Variants in ROGDI observed in about 807,000 individuals in gnomAD.
ROGDI encodes the protein rogdi atypical leucine zipper.
ROGDI carries 46 observed loss-of-function variants against 43.1 expected under a neutral mutation model. The ratio of observed to expected loss-of-function variants is 1.07; its 90% CI spans 0.84 to 1.37. The LOEUF (loss-of-function observed/expected upper bound fraction) is 1.37. Ranked by LOEUF, ROGDI falls within the 40% of genes most tolerant of loss-of-function variation. The pLI, the probability that ROGDI is intolerant of heterozygous loss-of-function variation, is 0.00. For missense variants in ROGDI, 518 were observed against 383.9 expected (o/e 1.35, Z -2.92); for synonymous variants, 243 against 162.0 (o/e 1.50, Z -3.80).
Position 4,798,623 on chromosome 16 carries a change from C to G in ROGDI, c.477G>C (p.Arg159=), listed in dbSNP as rs750755010. 6.4e-7 allele frequency: 1 copy of G among 1,574,058 alleles called. No individual in the cohort carries two copies. The highest frequency in any genetic ancestry group is 8.6e-7 in the Non-Finnish European group (1 of 1,164,344). ...GGGTGAGGGTGGCGGGGGTGGTGAG[C>G]CGGTTTCGGGCTCTGGTCAGCTGCA... The part of the protein sequence containing the change: ...VMLQLTRARN[R]LTTPATLTLP... The change falls in exon 7 of 11, where the codon CGG becomes CGC. Residue 159 remains arginine, a synonymous_variant. Transcript: ENST00000322048.
In ROGDI at chr16:4,799,872, C is replaced by T. The variant is rs567648959; in HGVS notation, c.337-91G>A. 84 of 849,120 alleles carry T rather than the reference C, an allele frequency of 9.9e-5. No homozygotes were observed. In the African/African-American group the frequency reaches 1.3e-3, roughly 13 times the overall value. The allele number at this position is 849,120 out of a possible 1,614,324, so 52.6% of individuals were successfully genotyped here. A position where few individuals can be genotyped will look rare whatever the true frequency, so the allele number is the denominator to read the frequency against. ...GCTGCCTGCCTGCCCCACGTCATTC[C>T]ACTCTCCACACTGTCATCCCTGTGC... On this transcript the variant is annotated intron_variant, in intron 5 of 10. Transcript: ENST00000322048.
At chr16:4,800,851 C>T (rs941570499) in intron 4 of ROGDI, 2 of 553,952 alleles carry the variant, frequency 3.6e-6, no homozygotes, top group African/African-American at 3.8e-5. Flanking sequence ...CTCTGTGAGG[C>T]TCTGTGCGAA....
Position 4,801,490 on chromosome 16 carries a change from A to G in ROGDI, c.200+13T>C. Reference sequence around the variant, plus strand: ...GTACCCATTTCCCCGGTTTCCGCCTAGCCCAGGCTCACCCACAGCTGCCTA... The same window carrying G: ...GTACCCATTTCCCCGGTTTCCGCCTGGCCCAGGCTCACCCACAGCTGCCTA... On this transcript the variant is annotated intron_variant, in intron 3 of 10. Coordinates refer to ENST00000322048, the MANE Select transcript of ROGDI (RefSeq NM_024589.3). 6.3e-7 allele frequency: 1 copy of G among 1,598,584 alleles called. No homozygotes were observed. Among genetic ancestry groups the G allele is most frequent in the Non-Finnish European group, 8.5e-7 (1 of 1,172,346 alleles).
intron 2 of ROGDI, chr16:4,802,134 C>T: frequency 1.5e-6 from 1 of 652,710 alleles, no homozygotes; most frequent in Middle Eastern, 2.4e-4. Context: ...CCCAAGGCGG[C>T]CTTCCCCGAC....
At position 4,797,509 on chromosome 16, in the gene ROGDI, G is replaced by T; in HGVS notation, c.823-8C>A. ...GCTGGAGAACACGGAGATCTGCAAGGGGAGAGGGTGCTGTAGGTTGCTGAA... is the reference window on the plus strand; with the variant it reads ...GCTGGAGAACACGGAGATCTGCAAGTGGAGAGGGTGCTGTAGGTTGCTGAA... On this transcript the variant is annotated splice_region_variant and splice_polypyrimidine_tract_variant and intron_variant, in intron 10 of 10. Transcript: ENST00000322048. The T allele has an allele frequency of 6.5e-7, 1 of 1,549,630 alleles. No individual in the cohort carries two copies. The highest frequency in any genetic ancestry group is 8.7e-7 in the Non-Finnish European group (1 of 1,145,020).
chr16:4,802,441 G>T lies in ROGDI; in HGVS notation c.58C>A (p.Arg20Ser). Residue 20 changes from arginine to serine, a missense_variant, in exon 2 of 11, where the codon CGC (arginine) becomes AGC (serine). Coordinates refer to ENST00000322048, the MANE Select transcript of ROGDI (RefSeq NM_024589.3). ...TGCACCTCGTCGTGCAGCAGCCAGC[G>T]GAACTCCTCCTCCTGCGGGACAGAC... Reference protein sequence around the residue: ...AERAVLEEEFRWLLHDEVHAV... With the variant: ...AERAVLEEEFSWLLHDEVHAV... 1 of 1,449,378 alleles carries T rather than the reference G, an allele frequency of 6.9e-7. No homozygotes were observed. The highest frequency in any genetic ancestry group is 2.7e-5 in the Admixed American group (1 of 37,376). The allele number at this position is 1,449,378 out of a possible 1,614,324, so 89.8% of individuals were successfully genotyped here. A position where few individuals can be genotyped will look rare whatever the true frequency, so the allele number is the denominator to read the frequency against.
Position 4,797,937 on chromosome 16 carries a change from C to A in ROGDI, c.695+1G>T. On this transcript the variant is annotated splice_donor_variant, in intron 9 of 10. Coordinates refer to ENST00000322048, the MANE Select transcript of ROGDI (RefSeq NM_024589.3). LOFTEE classifies it high-confidence loss of function. ...TGGACCCCCCGCCCCTGCCTACTTA[C>A]AACATGGCCCCAGGGCTATGCAGCA... 6.3e-7 allele frequency: 1 copy of A among 1,599,554 alleles called. No homozygotes were observed. The highest frequency in any genetic ancestry group is 8.5e-7 in the Non-Finnish European group (1 of 1,170,620).
intron 3 of ROGDI, 46 bp downstream of exon 3, chr16:4,801,457 C>A: frequency 6.3e-7 from 1 of 1,577,784 alleles, no homozygotes; most frequent in Admixed American, 1.8e-5. Flanking sequence ...TGCCTCCTAC[C>A]CCCCAAGGTA....
At chr16:4,801,609 G>C in intron 2 of ROGDI, 24 bp from the exon 3 acceptor site, 6 of 1,571,764 alleles carry the variant, frequency 3.8e-6, no homozygotes, top group African/African-American at 1.4e-5. Context: ...GGAAGGAGGG[G>C]AGCTGGTAGC....
rs904421384 is a variant in ROGDI, at chr16:4,797,075, A to G, written c.*385T>C. The G allele has an allele frequency of 1.7e-5, 4 of 233,126 alleles. No individual in the cohort carries two copies. The highest frequency in any genetic ancestry group is 1.5e-3 in the Middle Eastern group (1 of 668). 14.4% of individuals were successfully genotyped at this position (233,126 alleles called of 1,614,324 possible). ...GGTGGCTCTGTCTGTGGCGTTCCTC[A>G]CCATCCCCGGGACTCATAGCTCAGT... is the stretch of plus-strand genomic sequence containing the variant. On this transcript the variant is annotated 3_prime_UTR_variant, in exon 11 of 11. Coordinates refer to ENST00000322048, the MANE Select transcript of ROGDI (RefSeq NM_024589.3).
At position 4,798,188 on chromosome 16, in the gene ROGDI, C is replaced by T. The variant is rs3747610; in HGVS notation, c.532-4G>A. On this transcript the variant is annotated splice_region_variant and splice_polypyrimidine_tract_variant and intron_variant, in intron 7 of 10. Coordinates refer to ENST00000322048, the MANE Select transcript of ROGDI (RefSeq NM_024589.3). ...GCAGGGCAGGGGCGAACATCCGCTGCGGGAGGCAGGTGGGATGAGGCCCTC... is the reference window on the plus strand; with the variant it reads ...GCAGGGCAGGGGCGAACATCCGCTGTGGGAGGCAGGTGGGATGAGGCCCTC... The T allele has an allele frequency of 2.6e-4, 415 of 1,611,786 alleles. 2 individuals are homozygous for T. In the East Asian group the frequency reaches 8.2e-3, roughly 32 times the overall value.
At position 4,802,526 on chromosome 16, in the gene ROGDI, C is replaced by T; in HGVS notation, c.45+1G>A. On this transcript the variant is annotated splice_donor_variant, in intron 1 of 10. Transcript: ENST00000322048. LOFTEE classifies it high-confidence loss of function. ...CCCGCCCGCTGGCCCGCGCGCCTTA[C>T]CAGCACCGCCCGCTCCGCCGCCGTC... The T allele has an allele frequency of 1.6e-6, 2 of 1,254,292 alleles. No individual in the cohort carries two copies. The highest frequency in any genetic ancestry group is 2.0e-6 in the Non-Finnish European group (2 of 996,020). The allele number at this position is 1,254,292 out of a possible 1,614,324, so 77.7% of individuals were successfully genotyped here.
rs148274786 is a variant in ROGDI at position 4,797,812 on chromosome 16, T to A, written c.724A>T (p.Ser242Cys). The A allele has an allele frequency of 6.2e-7, 1 of 1,612,732 alleles. No homozygotes were observed. Among genetic ancestry groups the A allele is most frequent in the African/African-American group, 1.3e-5 (1 of 75,006 alleles). The change falls in exon 10 of 11, where the codon AGC (serine) becomes TGC (cysteine). Residue 242 changes from serine to cysteine, a missense_variant. Coordinates refer to ENST00000322048, the MANE Select transcript of ROGDI (RefSeq NM_024589.3). The stretch of plus-strand genomic sequence containing the variant: ...ACGCACTCCACTTTGTGCACGTGGC[T>A]CACCTCCAGGCGCTGAGAGCCCCAC... ...FEWGSQRLEV[S>C]HVHKVECVIP...
rs565807247 is a variant in ROGDI, at chr16:4,797,357, G to C, written c.*103C>G. ...TTAGGTGGGGTAGGGGGTGGGATAG[G>C]GAGATAAATAGCAGCCTGGCGTTGG... On this transcript the variant is annotated 3_prime_UTR_variant, in exon 11 of 11. Transcript: ENST00000322048. 1.8e-5 allele frequency: 18 copies of C among 1,016,230 alleles called. No individual in the cohort carries two copies. The highest frequency in any genetic ancestry group is 8.0e-5 in the African/African-American group (5 of 62,844). The allele number at this position is 1,016,230 out of a possible 1,614,324, so 63.0% of individuals were successfully genotyped here. A position where few individuals can be genotyped will look rare whatever the true frequency, so the allele number is the denominator to read the frequency against.
At position 4,798,093 on chromosome 16, in the gene ROGDI, G is replaced by A. The variant is rs745998638; in HGVS notation, c.623C>T (p.Ala208Val). 2 of 1,613,700 alleles carry A rather than the reference G, an allele frequency of 1.2e-6. No homozygotes were observed. Among genetic ancestry groups the A allele is most frequent in the Non-Finnish European group, 1.7e-6 (2 of 1,179,784 alleles). ...KLCLTVYQLH[A>V]LQPNSTKNFR... ...CACCTTGGTGGAGTTGGGCTGCAGGGCATGCAGCTGGTACACCGTGAGGCA... is the reference window on the plus strand; with the variant it reads ...CACCTTGGTGGAGTTGGGCTGCAGGACATGCAGCTGGTACACCGTGAGGCA... Residue 208 changes from alanine (A) to valine (V), a missense_variant, in exon 8 of 11, where the codon GCC (alanine) becomes GTC (valine). Transcript: ENST00000322048.
At chr16:4,799,622 C>A in intron 6 of ROGDI, 64 bp downstream of exon 6, 1 of 1,273,052 alleles carries the variant, frequency 7.9e-7, no homozygotes, top group Non-Finnish European at 1.1e-6. Flanking sequence ...GATTGGAACC[C>A]AGGTGTGATT....
intron 10 of ROGDI, 40 bp from the exon 11 acceptor site, chr16:4,797,541 T>G: frequency 1.9e-6 from 3 of 1,600,432 alleles, no homozygotes; most frequent in Non-Finnish European, 2.6e-6. Flanking sequence ...TGAAGGGGGA[T>G]GGGGTAGCCC....
chr16:4,801,305 C>A lies in ROGDI; in HGVS notation c.217G>T (p.Gly73Cys). The A allele has an allele frequency of 6.2e-7, 1 of 1,609,336 alleles. No individual in the cohort carries two copies. Among genetic ancestry groups the A allele is most frequent in the Non-Finnish European group, 8.5e-7 (1 of 1,176,760 alleles). The change falls in exon 4 of 11, where the codon GGT (glycine) becomes TGT (cysteine). Residue 73 changes from glycine to cysteine, a missense_variant. By Grantham distance (159) the Gly-to-Cys change is radical (BLOSUM62 -3). Transcript: ENST00000322048. ...GCATCCCCCTGCAGAGTCAGCACAC[C>A]CTTCACCTGGTCTGTGCTGTAACAT... ...LGSCGTDQVK[G>C]VLTLQGDALS... is the part of the protein sequence containing the mutation.
chr16:4,802,583 G>T lies in ROGDI; in HGVS notation c.-12C>A. The T allele has an allele frequency of 7.6e-7, 1 of 1,308,028 alleles. No individual in the cohort carries two copies. Among genetic ancestry groups the T allele is most frequent in the Non-Finnish European group, 9.8e-7 (1 of 1,021,232 alleles). 81.0% of individuals were successfully genotyped at this position (1,308,028 alleles called of 1,614,324 possible). A position where few individuals can be genotyped will look rare whatever the true frequency, so the allele number is the denominator to read the frequency against. Reference sequence around the variant, plus strand: ...ATCACGGTGGCCATGGCCGCAGGCCGCCGCCGAGCGCCCTCCCCACCGGCC... The same window carrying T: ...ATCACGGTGGCCATGGCCGCAGGCCTCCGCCGAGCGCCCTCCCCACCGGCC... On this transcript the variant is annotated 5_prime_UTR_variant, in exon 1 of 11. Transcript: ENST00000322048.
Sources: allele counts gnomAD v4.1 joint callset, GRCh38; gene constraint gnomAD v4.1.1; transcripts MANE v1.5; gene names NCBI Gene and HGNC (gene_info 2026-07-23, HGNC 2026-07-21).